The following TBL3 variants were observed in gnomAD, a reference collection of about 807,000 sequenced individuals.
TBL3 encodes transducin beta-like protein 3.
In TBL3, 71 loss-of-function variants were observed where a neutral mutation model predicts 102.7. The ratio of observed to expected loss-of-function variants is 0.69; its 90% CI spans 0.57 to 0.84. TBL3 has a LOEUF of 0.84. Ranked by LOEUF, TBL3 falls within the 40% of genes least tolerant of loss-of-function variation. The pLI is 0.00. For synonymous variants in TBL3, 578 were observed against 477.7 expected (o/e 1.21, Z -2.74); for missense variants, 1,188 against 1,098.5 (o/e 1.08, Z -1.15).
In TBL3 at chr16:1,980,142, A is replaced by C; in HGVS notation, c.*1457A>C. The stretch of plus-strand genomic sequence containing the variant: ...GGATGGAGAGGCGGCCCGCAGCGCG[A>C]GAAAGAGGCTGCTCCTCTGGGGTGG... On this transcript the variant is annotated 3_prime_UTR_variant, in exon 22 of 22. Coordinates refer to ENST00000568546, the MANE Select transcript of TBL3 (RefSeq NM_006453.3). The C allele has an allele frequency of 6.2e-7, 1 of 1,606,022 alleles. No homozygotes were observed. The highest frequency in any genetic ancestry group is 1.3e-5 in the African/African-American group (1 of 74,992).
Position 1,978,943 on chromosome 16 carries a change from G to T in TBL3, c.*258G>T. ...CATGCAGAACAAGCTTTACTCAGAG[G>T]AACAGCAAATGGCCCCCTCCCATCC... On this transcript the variant is annotated 3_prime_UTR_variant, in exon 22 of 22. Transcript: ENST00000568546. 1 of 1,199,742 alleles carries T rather than the reference G, an allele frequency of 8.3e-7. No individual in the cohort carries two copies. Among genetic ancestry groups the T allele is most frequent in the Non-Finnish European group, 1.2e-6 (1 of 866,922 alleles). The allele number at this position is 1,199,742 out of a possible 1,614,324, so 74.3% of individuals were successfully genotyped here. A position where few individuals can be genotyped will look rare whatever the true frequency, so the allele number is the denominator to read the frequency against.
In TBL3 at chr16:1,979,451, C is replaced by A. The variant is rs1225687860; in HGVS notation, c.*766C>A. The A allele has an allele frequency of 3.1e-6, 5 of 1,611,036 alleles. No individual in the cohort carries two copies. The highest frequency in any genetic ancestry group is 4.2e-6 in the Non-Finnish European group (5 of 1,179,440). On this transcript the variant is annotated 3_prime_UTR_variant, in exon 22 of 22. Transcript: ENST00000568546. Reference sequence around the variant, plus strand: ...TGCATAGCCACCAGCCGCGGTCTGACGTTTCCAACACGCGCACGCGCGCCC... The same window carrying A: ...TGCATAGCCACCAGCCGCGGTCTGAAGTTTCCAACACGCGCACGCGCGCCC...
rs1332677378 is a variant in TBL3 at position 1,980,483 on chromosome 16, C to T, written c.*1798C>T. On this transcript the variant is annotated 3_prime_UTR_variant, in exon 22 of 22. Transcript: ENST00000568546. ...CCAGCAGCCTCCGAGAATAGGTTTCCAACAGCTGCAGGCGCGCCAGGCCGC... is the reference window on the plus strand; with the variant it reads ...CCAGCAGCCTCCGAGAATAGGTTTCTAACAGCTGCAGGCGCGCCAGGCCGC... 2 of 1,602,540 alleles carry T rather than the reference C, an allele frequency of 1.2e-6. No homozygotes were observed. The highest frequency in any genetic ancestry group is 1.3e-5 in the African/African-American group (1 of 74,934).
At position 1,975,969 on chromosome 16, in the gene TBL3, C is replaced by T. The variant is rs750121086; in HGVS notation, c.1129+20C>T. On this transcript the variant is annotated intron_variant, in intron 11 of 21. Transcript: ENST00000568546. The stretch of plus-strand genomic sequence containing the variant: ...ACACGGGTGAGTGGGGCCAGCCCAC[C>T]TGACACCCTGGGAGCCGCCTCGGTC... 1.9e-6 allele frequency: 3 copies of T among 1,614,022 alleles called. No individual in the cohort carries two copies. Among genetic ancestry groups the T allele is most frequent in the Non-Finnish European group, 2.5e-6 (3 of 1,179,998 alleles).
Position 1,972,184 on chromosome 16 carries a change from G to T in TBL3, c.20G>T (p.Gly7Val), listed in dbSNP as rs1418030194. 1 of 1,428,904 alleles carries T rather than the reference G, an allele frequency of 7.0e-7. No homozygotes were observed. Among genetic ancestry groups the T allele is most frequent in the Non-Finnish European group, 9.2e-7 (1 of 1,088,898 alleles). 88.5% of individuals were successfully genotyped at this position (1,428,904 alleles called of 1,614,324 possible). The change falls in exon 1 of 22, where the codon GGA (glycine) becomes GTA (valine). Residue 7 changes from glycine to valine, a missense_variant. Gly to Val is a moderately radical substitution (Grantham distance 109, BLOSUM62 -3). Transcript: ENST00000568546. ...GGCAACATGGCAGAGACCGCGGCCGGAGTGGGCCGCTTCAAGACCAAGTGA... is the reference window on the plus strand; with the variant it reads ...GGCAACATGGCAGAGACCGCGGCCGTAGTGGGCCGCTTCAAGACCAAGTGA... Reference protein sequence around the residue: MAETAAGVGRFKTNYAV... With the variant: MAETAAVVGRFKTNYAV...
In TBL3 at chr16:1,979,237, G is replaced by A; in HGVS notation, c.*552G>A. Reference sequence around the variant, plus strand: ...GCCTGGGAGGGTTCAGGGAAGCCCCGGGCCTCACCCGCCGGGTCGTCTCCT... The same window carrying A: ...GCCTGGGAGGGTTCAGGGAAGCCCCAGGCCTCACCCGCCGGGTCGTCTCCT... On this transcript the variant is annotated 3_prime_UTR_variant, in exon 22 of 22. Transcript: ENST00000568546. 6.6e-7 allele frequency: 1 copy of A among 1,507,994 alleles called. No homozygotes were observed. Among genetic ancestry groups the A allele is most frequent in the South Asian group, 1.2e-5 (1 of 80,364 alleles). 93.4% of individuals were successfully genotyped at this position (1,507,994 alleles called of 1,614,324 possible).
At chr16:1,975,144 G>A (rs574852256) in intron 7 of TBL3, 43 bp from the exon 8 acceptor site, 43 of 1,613,456 alleles carry the variant, frequency 2.7e-5, no homozygotes, top group Middle Eastern at 3.3e-4. Context: ...GAAAGTGGGG[G>A]CTGAGGCTAA....
In TBL3 at chr16:1,981,397, G is replaced by A. The variant is rs571952672; in HGVS notation, c.*2712G>A. On this transcript the variant is annotated 3_prime_UTR_variant, in exon 22 of 22. Transcript: ENST00000568546. The stretch of plus-strand genomic sequence containing the variant: ...ATCTGGGGGCAGGAGCACAGGGATT[G>A]GGGGACTTCCAGGCAGAGCTGCTGG... The A allele has an allele frequency of 3.5e-5, 43 of 1,216,606 alleles. No individual in the cohort carries two copies. In the South Asian group the frequency reaches 7.1e-4, roughly 20 times the overall value. 75.4% of individuals were successfully genotyped at this position (1,216,606 alleles called of 1,614,324 possible). A position where few individuals can be genotyped will look rare whatever the true frequency, so the allele number is the denominator to read the frequency against.
rs1418892631 is a variant in TBL3, at chr16:1,977,672, T to C, written c.1899+2T>C. ...GACTCCCGAGTCATCCTCTGGAAGG[T>C]TGTGGGCCCCAAGGGCAGGGAAGAG... On this transcript the variant is annotated splice_donor_variant, in intron 17 of 21. Coordinates refer to ENST00000568546, the MANE Select transcript of TBL3 (RefSeq NM_006453.3). LOFTEE classifies it high-confidence loss of function. The C allele has an allele frequency of 1.9e-6, 3 of 1,551,560 alleles. No homozygotes were observed. Among genetic ancestry groups the C allele is most frequent in the Non-Finnish European group, 2.6e-6 (3 of 1,147,142 alleles).
chr16:1,975,304 G>T, intron 8 of TBL3, 41 bp from the exon 9 acceptor site: 1 of 1,613,956 alleles, frequency 6.2e-7, no homozygotes, highest in Non-Finnish European at 8.5e-7. Flanking sequence ...GTTGGGTGGG[G>T]AGGGGGCATG....
chr16:1,981,249 G>A lies in TBL3; in HGVS notation c.*2564G>A. 2 of 1,598,438 alleles carry A rather than the reference G, an allele frequency of 1.3e-6. No individual in the cohort carries two copies. The highest frequency in any genetic ancestry group is 1.7e-6 in the Non-Finnish European group (2 of 1,173,000). The stretch of plus-strand genomic sequence containing the variant: ...CTTCTGCCTCCCCGTGCTTGAGAGG[G>A]CTCTGGGGGACCCAGAAAACCCCCT... On this transcript the variant is annotated 3_prime_UTR_variant, in exon 22 of 22. Coordinates refer to ENST00000568546, the MANE Select transcript of TBL3 (RefSeq NM_006453.3).
At position 1,976,261 on chromosome 16, in the gene TBL3, C is replaced by T. The variant is rs763732582; in HGVS notation, c.1239C>T (p.Cys413=). ...TGAACAAGGCTGGCCAGGTGATGTG[C>T]GTGGCTCAGGGTTCCGGTCACACAC... ...WRMNKAGQVM[C]VAQGSGHTHS... The change falls in exon 13 of 22, where the codon TGC becomes TGT. Residue 413 remains cysteine, a synonymous_variant. Coordinates refer to ENST00000568546, the MANE Select transcript of TBL3 (RefSeq NM_006453.3). 1.8e-5 allele frequency: 29 copies of T among 1,614,004 alleles called. No homozygotes were observed. The highest frequency in any genetic ancestry group is 1.6e-4 in the Middle Eastern group (1 of 6,084).
In TBL3 at chr16:1,974,058, ATGCTGTGGAGCGCAAAAT is replaced by A; in HGVS notation, c.47_64del (p.Ala16_Ile21del). ...TTCGCCTCCCGCTCTCCTTCCAGCT[ATGCTGTGGAGCGCAAAAT>A]TGAGCCTTTCTACAAGGGCGGAAAA... On this transcript the variant is annotated inframe_deletion, in exon 2 of 22. Transcript: ENST00000568546. 5.7e-6 allele frequency: 9 copies of A among 1,570,760 alleles called. No individual in the cohort carries two copies. Among genetic ancestry groups the A allele is most frequent in the Non-Finnish European group, 7.8e-6 (9 of 1,151,926 alleles).
chr16:1,977,866 C>T, intron 18 of TBL3, 66 bp downstream of exon 18: 1 of 1,590,736 alleles, frequency 6.3e-7, no homozygotes, highest in Non-Finnish European at 8.6e-7. Flanking sequence ...GAAAACGAGG[C>T]TGAGTGCCAG....
At chr16:1,976,711 C>T in intron 13 of TBL3, 103 bp from the exon 14 acceptor site, 1 of 1,430,150 alleles carries the variant, frequency 7.0e-7, no homozygotes, top group South Asian at 1.3e-5. Context: ...TGGGACAGGC[C>T]CCGTGGTCTG....
In TBL3 at chr16:1,973,886, C is replaced by T. The variant is rs372754713; in HGVS notation, c.42-170C>T. Among the ~76,000 whole-genome samples the T allele has an allele frequency of 2.4e-4, 37 of 152,352 alleles. No individual in the cohort carries two copies. The East Asian group carries it at 5.2e-3, about 21-fold the overall frequency. On this transcript the variant is annotated intron_variant, in intron 1 of 21. Coordinates refer to ENST00000568546, the MANE Select transcript of TBL3 (RefSeq NM_006453.3). ...TACTTCTCAGTGACGACGGTAGCTACAGCCCCCTGCAGTACTGCTGGTTCC... is the reference window on the plus strand; with the variant it reads ...TACTTCTCAGTGACGACGGTAGCTATAGCCCCCTGCAGTACTGCTGGTTCC...
In TBL3 at chr16:1,980,773, G is replaced by A. The variant is rs1384793835; in HGVS notation, c.*2088G>A. 4.5e-6 allele frequency: 7 copies of A among 1,552,250 alleles called. No homozygotes were observed. The highest frequency in any genetic ancestry group is 1.9e-5 in the Admixed American group (1 of 53,350). On this transcript the variant is annotated 3_prime_UTR_variant, in exon 22 of 22. Coordinates refer to ENST00000568546, the MANE Select transcript of TBL3 (RefSeq NM_006453.3). ...GGGCATTGGTCTTCCAGAGCCCACT[G>A]TGCACCCTTGAGAGGGCGGGGTCCC...
At position 1,972,075 on chromosome 16, in the gene TBL3, T is replaced by G; in HGVS notation, c.-90T>G. ...ATCGCAGCGCGCCGGGAGTGTGGCG[T>G]TCTGTGAAGAGTTCGGTGCTAACCT... On this transcript the variant is annotated 5_prime_UTR_variant, in exon 1 of 22. Coordinates refer to ENST00000568546, the MANE Select transcript of TBL3 (RefSeq NM_006453.3). 1.5e-6 allele frequency: 2 copies of G among 1,341,710 alleles called. No individual in the cohort carries two copies. Among genetic ancestry groups the G allele is most frequent in the Non-Finnish European group, 1.9e-6 (2 of 1,029,618 alleles). The allele number at this position is 1,341,710 out of a possible 1,614,324, so 83.1% of individuals were successfully genotyped here.
At position 1,978,555 on chromosome 16, in the gene TBL3, G is replaced by A. The variant is rs200578711; in HGVS notation, c.2297G>A (p.Arg766Gln). 11 of 1,606,088 alleles carry A rather than the reference G, an allele frequency of 6.8e-6. No individual in the cohort carries two copies. Among genetic ancestry groups the A allele is most frequent in the African/African-American group, 1.3e-5 (1 of 74,924 alleles). Residue 766 changes from arginine (R) to glutamine (Q), a missense_variant, in exon 22 of 22, where the codon CGG becomes CAG. Transcript: ENST00000568546. ...ALEALLPYTERHFQRLSRTLQ... is the reference protein window; with the variant it reads ...ALEALLPYTEQHFQRLSRTLQ... Reference sequence around the variant, plus strand: ...ACCTCCCTCTGTCCAACCCCAGAGCGGCACTTTCAGCGGCTCAGCAGGACC... The same window carrying A: ...ACCTCCCTCTGTCCAACCCCAGAGCAGCACTTTCAGCGGCTCAGCAGGACC...
Sources: allele counts gnomAD v4.1 joint callset (sites outside exome capture counted in the v4.1 genomes callset), GRCh38; gene constraint gnomAD v4.1.1; transcripts MANE v1.5; gene names NCBI Gene and HGNC (gene_info 2026-07-23, HGNC 2026-07-21).